The following OSBPL10 variants were observed in gnomAD, a reference collection of about 807,000 sequenced individuals.
OSBPL10 encodes the protein oxysterol binding protein like 10.
A neutral mutation model predicts 81.7 loss-of-function variants in OSBPL10; 49 were observed. The ratio of observed to expected loss-of-function variants is 0.60; its 90% CI spans 0.48 to 0.76. The LOEUF is 0.76. Among genes scored for constraint, OSBPL10 ranks in the 30% least tolerant of loss-of-function variants. The pLI is 0.00. For missense variants in OSBPL10, 923 were observed against 987.8 expected, an observed-to-expected ratio of 0.93 and a Z score of 0.88; for synonymous variants, 419 against 383.6, an observed-to-expected ratio of 1.09 and a Z score of -1.08.
intron 1 of OSBPL10, among the ~76,000 whole-genome samples, chr3:32,076,223 C>T (rs1156539227): frequency 1.3e-5 from 2 of 152,076 alleles, no homozygotes; most frequent in African/African-American, 4.8e-5. Flanking sequence ...CAAAAATTAG[C>T]CAGGCAAGGT....
chr3:31,920,311 A>C (rs1696874291), intron 1 of OSBPL10, among the ~76,000 whole-genome samples: 1 of 152,222 alleles, frequency 6.6e-6, no homozygotes, highest in African/African-American at 2.4e-5. Context: ...AAATTTGAAA[A>C]GAAGAATCAT....
intron 4 of OSBPL10, among the ~76,000 whole-genome samples, chr3:31,823,522 C>T (rs1349845485): frequency 2.0e-5 from 3 of 152,140 alleles, no homozygotes; most frequent in South Asian, 2.1e-4. Flanking sequence ...CATAACTTTA[C>T]GTTTTCTAGT....
chr3:31,989,474 A>T (rs1273528948), intron 2 of OSBPL10: 1 of 1,614,236 alleles, frequency 6.2e-7, no homozygotes, highest in South Asian at 1.1e-5. Context: ...ACACAAATCA[A>T]AAAGTTGACT....
intron 5 of OSBPL10, among the ~76,000 whole-genome samples, chr3:31,742,511 C>A (rs559251447): frequency 1.3e-5 from 2 of 152,304 alleles, no homozygotes; most frequent in East Asian, 3.9e-4. Context: ...TTCACGGGTA[C>A]CTGTGTCATC....
chr3:31,840,166 A>C (rs1311215434), intron 3 of OSBPL10, among the ~76,000 whole-genome samples: 1 of 152,044 alleles, frequency 6.6e-6, no homozygotes, highest in East Asian at 1.9e-4. Flanking sequence ...GAATTCTATA[A>C]ATGATCACTC....
intron 3 of OSBPL10, among the ~76,000 whole-genome samples, chr3:31,847,175 T>C (rs1380813626): frequency 6.6e-6 from 1 of 151,060 alleles, no homozygotes; most frequent in African/African-American, 2.4e-5. Context: ...TCACAAGTCA[T>C]CTGCAATTCT....
intron 5 of OSBPL10, among the ~76,000 whole-genome samples, chr3:31,737,416 G>C (rs970152567): frequency 6.6e-6 from 1 of 152,130 alleles, no homozygotes; most frequent in African/African-American, 2.4e-5. Context: ...AAAACACCAG[G>C]AAAGGTGTTT....
chr3:31,782,128 G>A (rs1698712342), intron 4 of OSBPL10, among the ~76,000 whole-genome samples: 1 of 152,126 alleles, frequency 6.6e-6, no homozygotes, highest in Non-Finnish European at 1.5e-5. Flanking sequence ...GAACAAAATA[G>A]AGAATCCAGA....
At chr3:31,669,876 C>A (rs1700281712) in intron 9 of OSBPL10, among the ~76,000 whole-genome samples, 1 of 152,192 alleles carries the variant, frequency 6.6e-6, no homozygotes, top group African/African-American at 2.4e-5. Context: ...AGTCACAGTT[C>A]TTAGGTAGCA....
intron 1 of OSBPL10, among the ~76,000 whole-genome samples, chr3:31,946,876 G>C (rs1697718625): frequency 1.3e-5 from 2 of 152,184 alleles, no homozygotes; most frequent in Non-Finnish European, 2.9e-5. Flanking sequence ...CTTGGGCTCA[G>C]GGAGGCCTTA....
Position 32,054,526 on chromosome 3 carries a change from C to CTTTTTTTTTTTTTTTTTTTT in OSBPL10, n.186-7943_186-7924dup, listed in dbSNP as rs755489489. On this transcript the variant is annotated intron_variant and non_coding_transcript_variant, in intron 1 of 3. Transcript: ENST00000479173. ...ACCAACATTTCCTGGTCAATGGTGGCTTTTTTTTTTTTTTTTTTTTTTTGA... is the reference window on the plus strand; with the variant it reads ...ACCAACATTTCCTGGTCAATGGTGGCTTTTTTTTTTTTTTTTTTTTTTTTTTTTTTTTTTTTTTTTTTTGA... Among the ~76,000 whole-genome samples, 2 of 86,604 alleles carry CTTTTTTTTTTTTTTTTTTTT rather than the reference C, an allele frequency of 2.3e-5. 1 individual carries two copies. 56.8% of individuals were successfully genotyped at this position (86,604 alleles called of 152,430 possible). A position where few individuals can be genotyped will look rare whatever the true frequency, so the allele number is the denominator to read the frequency against.
chr3:32,039,679 T>C (rs4955226), intron 2 of OSBPL10, among the ~76,000 whole-genome samples: 59,210 of 151,782 alleles, frequency 0.39, 14,017 homozygotes, highest in Non-Finnish European at 0.54. Context: ...AAAATATAAA[T>C]TACTTAGATT....
chr3:31,965,144 C>T (rs140495861), intron 1 of OSBPL10, among the ~76,000 whole-genome samples: 1,613 of 151,532 alleles, frequency 0.011, 14 homozygotes, highest in Middle Eastern at 0.041. Flanking sequence ...CCAAGGTGGG[C>T]GGATCACGAG....
intron 3 of OSBPL10, among the ~76,000 whole-genome samples, chr3:31,867,220 A>G (rs1299038976): frequency 1.3e-5 from 2 of 152,156 alleles, no homozygotes; most frequent in African/African-American, 4.8e-5. Flanking sequence ...GTCATTAGTA[A>G]GCGCCAGGAG....
At chr3:32,053,967 C>CA (rs1357440816) in intron 1 of OSBPL10, among the ~76,000 whole-genome samples, 1 of 151,718 alleles carries the variant, frequency 6.6e-6, no homozygotes, top group Admixed American at 6.6e-5. Context: ...GACTCCATCT[C>CA]AAAAAAACAA....
intron 4 of OSBPL10, among the ~76,000 whole-genome samples, chr3:31,819,767 C>T (rs576591040): frequency 8.5e-4 from 130 of 152,336 alleles, no homozygotes; most frequent in African/African-American, 2.9e-3. Flanking sequence ...GGAGAAGCTA[C>T]AGTTCCCAGT....
chr3:31,702,255 T>C, intron 7 of OSBPL10, 104 bp downstream of exon 7: 1 of 1,372,506 alleles, frequency 7.3e-7, no homozygotes, highest in Non-Finnish European at 9.9e-7. Flanking sequence ...CCCACTCTTC[T>C]TCTCCAATCT....
At position 32,027,615 on chromosome 3, in the gene OSBPL10, T is replaced by C. The variant is rs568940279; in HGVS notation, n.298+18876A>G. On this transcript the variant is annotated intron_variant and non_coding_transcript_variant, in intron 2 of 3. Coordinates refer to the OSBPL10 transcript ENST00000479173. ...AATCATTTTTAATTAATCAATAAAA[T>C]TGAATGTGTTCAGATTTTATTTTTA... Among the ~76,000 whole-genome samples the C allele has an allele frequency of 5.3e-5, 8 of 152,360 alleles. No individual in the cohort carries two copies. In the South Asian group the frequency reaches 1.7e-3, roughly 32 times the overall value.
At chr3:31,929,381 C>A (rs1697169954) in intron 1 of OSBPL10, among the ~76,000 whole-genome samples, 1 of 152,116 alleles carries the variant, frequency 6.6e-6, no homozygotes, top group Non-Finnish European at 1.5e-5. Context: ...AAATATGTGG[C>A]TTTAATACAG....
Sources: allele counts gnomAD v4.1 joint callset (sites outside exome capture counted in the v4.1 genomes callset), GRCh38; gene constraint gnomAD v4.1.1; transcripts MANE v1.5; gene names NCBI Gene and HGNC (gene_info 2026-07-23, HGNC 2026-07-21).